Variants in PPP1R21 observed in about 807,000 individuals in gnomAD.
The protein encoded by PPP1R21 is KLRAQ motif containing 1.
A neutral mutation model predicts 112.8 loss-of-function variants in PPP1R21; 85 were observed. The ratio of observed to expected loss-of-function variants is 0.75; its 90% CI spans 0.63 to 0.90. PPP1R21 has a LOEUF of 0.90. Among genes scored for constraint, PPP1R21 ranks in the 40% least tolerant of loss-of-function variants. The pLI is 0.00. For synonymous variants in PPP1R21, 381 were observed against 322.3 expected (o/e 1.18, Z -1.95); for missense variants, 1,199 against 901.5 (o/e 1.33, Z -4.23).
chr2:48,466,330 G>C (rs1470632284), intron 9 of PPP1R21, among the ~76,000 whole-genome samples: 1 of 151,966 alleles, frequency 6.6e-6, no homozygotes, highest in East Asian at 1.9e-4. Flanking sequence ...TCCCACCTCA[G>C]CTTCCCAACT....
chr2:48,459,088 T>C (rs1269950466), intron 4 of PPP1R21, among the ~76,000 whole-genome samples: 2 of 124,862 alleles, frequency 1.6e-5, no homozygotes, highest in Non-Finnish European at 3.3e-5. Flanking sequence ...TGAGACTCTG[T>C]CTCAAAAAAA....
chr2:48,472,730 C>G (rs1472745954), intron 11 of PPP1R21, among the ~76,000 whole-genome samples: 1 of 151,866 alleles, frequency 6.6e-6, no homozygotes, highest in African/African-American at 2.4e-5. Flanking sequence ...GGGAAGATCA[C>G]TTGAGGCCAG....
Position 48,504,688 on chromosome 2 carries a change from T to C in PPP1R21, c.1936-876T>C, listed in dbSNP as rs144492079. ...ACTGTTCATTGAGTGTAATATCTTA[T>C]TGACAGAATCCATTGACACTGAGTT... On this transcript the variant is annotated intron_variant, in intron 17 of 21. Transcript: ENST00000294952. Among the ~76,000 whole-genome samples the C allele has an allele frequency of 7.5e-4, 114 of 152,302 alleles. 2 individuals carry two copies. Among genetic ancestry groups the C allele is most frequent in the African/African-American group, 2.4e-3 (98 of 41,584 alleles).
intron 12 of PPP1R21, 130 bp from the exon 13 acceptor site, chr2:48,479,794 C>A (rs917931269): frequency 1.5e-6 from 1 of 676,808 alleles, no homozygotes; most frequent in South Asian, 1.7e-5. Flanking sequence ...GTATCTGCCA[C>A]GATTTTAAGA....
chr2:48,450,404 A>G (rs1242325184), intron 1 of PPP1R21, among the ~76,000 whole-genome samples: 2 of 152,222 alleles, frequency 1.3e-5, no homozygotes, highest in Non-Finnish European at 2.9e-5. Context: ...TGTAGTGAGC[A>G]TTCATATGTA....
Position 48,440,827 on chromosome 2 carries a change from G to GGCGGCGGCT in PPP1R21, c.-122_-114dup. 1 of 689,700 alleles carries GGCGGCGGCT rather than the reference G, an allele frequency of 1.4e-6. No homozygotes were observed. The highest frequency in any genetic ancestry group is 3.2e-5 in the East Asian group (1 of 31,416). 42.7% of individuals were successfully genotyped at this position (689,700 alleles called of 1,614,324 possible). A position where few individuals can be genotyped will look rare whatever the true frequency, so the allele number is the denominator to read the frequency against. Reference sequence around the variant, plus strand: ...GAGGAGGAGGCGCGGCGGCGGCGGCGGCGGCGGCTGCGGTGGCCAAGCAGG... The same window carrying GGCGGCGGCT: ...GAGGAGGAGGCGCGGCGGCGGCGGCGGCGGCGGCTGCGGCGGCTGCGGTGGCCAAGCAGG... On this transcript the variant is annotated 5_prime_UTR_variant, in exon 1 of 22. Coordinates refer to ENST00000294952, the MANE Select transcript of PPP1R21 (RefSeq NM_001135629.3).
chr2:48,496,436 G>T (rs1407530845), intron 16 of PPP1R21, among the ~76,000 whole-genome samples: 1 of 150,626 alleles, frequency 6.6e-6, no homozygotes, highest in East Asian at 2.0e-4. Context: ...GTACAGAGAA[G>T]AATCTAAACA....
chr2:48,514,292 T>G (rs1317865139), intron 21 of PPP1R21, among the ~76,000 whole-genome samples: 1 of 152,092 alleles, frequency 6.6e-6, no homozygotes, highest in Non-Finnish European at 1.5e-5. Context: ...TTCACCATGT[T>G]AGCTGGGATG....
At chr2:48,478,828 C>G (rs1668873458) in intron 12 of PPP1R21, among the ~76,000 whole-genome samples, 1 of 152,130 alleles carries the variant, frequency 6.6e-6, no homozygotes, top group Non-Finnish European at 1.5e-5. Flanking sequence ...TAGAGTACAC[C>G]CTTAGGCTTG....
chr2:48,478,480 T>G (rs1006988519), intron 12 of PPP1R21, among the ~76,000 whole-genome samples: 3 of 152,320 alleles, frequency 2.0e-5, no homozygotes, highest in East Asian at 1.9e-4. Flanking sequence ...GTGGCAGGGC[T>G]CTCCTTCACT....
At chr2:48,490,935 A>G in intron 14 of PPP1R21, 83 bp from the exon 15 acceptor site, 1 of 1,222,326 alleles carries the variant, frequency 8.2e-7, no homozygotes, top group Non-Finnish European at 1.2e-6. Context: ...ACATCTTTAA[A>G]CTTTGCTGCA....
At chr2:48,460,941 C>T (rs1667949332) in intron 6 of PPP1R21, among the ~76,000 whole-genome samples, 197 bp from the exon 7 acceptor site, 1 of 152,186 alleles carries the variant, frequency 6.6e-6, no homozygotes, top group Non-Finnish European at 1.5e-5. Flanking sequence ...ACATCATTCT[C>T]CAGAAGTCCC....
rs537587505 is a variant in PPP1R21 at position 48,500,922 on chromosome 2, C to A, written c.1935+2187C>A. On this transcript the variant is annotated intron_variant, in intron 17 of 21. Coordinates refer to ENST00000294952, the MANE Select transcript of PPP1R21 (RefSeq NM_001135629.3). ...AGACTCTGTCTCTACAAAAAAAAAC[C>A]CCAAAGAAACAAAAAGAATACCTTC... Among the ~76,000 whole-genome samples the A allele has an allele frequency of 2.1e-3, 305 of 145,158 alleles. 1 individual carries two copies. The highest frequency in any genetic ancestry group is 7.3e-3 in the African/African-American group (292 of 39,940).
intron 20 of PPP1R21, among the ~76,000 whole-genome samples, chr2:48,510,875 C>A (rs2103677322): frequency 6.6e-6 from 1 of 152,262 alleles, no homozygotes. Context: ...AGAAAGAAAC[C>A]CTTAAATTTT....
intron 1 of PPP1R21, among the ~76,000 whole-genome samples, chr2:48,447,158 C>G (rs1290998630): frequency 6.6e-6 from 1 of 151,930 alleles, no homozygotes; most frequent in African/African-American, 2.4e-5. Context: ...TAGTAAGTGC[C>G]AAAGGAACTG....
intron 9 of PPP1R21, among the ~76,000 whole-genome samples, chr2:48,469,638 A>T (rs1033401918): frequency 6.8e-6 from 1 of 147,606 alleles, no homozygotes; most frequent in African/African-American, 2.5e-5. Context: ...TTTGTCCATT[A>T]TTGGAATTTT....
rs546768165 is a variant in PPP1R21, at chr2:48,452,830, G to A, written c.126+1754G>A. On this transcript the variant is annotated intron_variant, in intron 2 of 21. Transcript: ENST00000294952. ...AAAATTAAGGTTTTACTAAACAAATGTAGGAAAAAAATTATTTTCTCCTTA... is the reference window on the plus strand; with the variant it reads ...AAAATTAAGGTTTTACTAAACAAATATAGGAAAAAAATTATTTTCTCCTTA... Among the ~76,000 whole-genome samples, 4 of 152,148 alleles carry A rather than the reference G, an allele frequency of 2.6e-5. No homozygotes were observed. In the South Asian group the frequency reaches 6.2e-4, roughly 24 times the overall value.
chr2:48,496,509 C>T (rs1437644275), intron 16 of PPP1R21, among the ~76,000 whole-genome samples: 3 of 149,658 alleles, frequency 2.0e-5, no homozygotes, highest in Non-Finnish European at 4.4e-5. Context: ...ACTGTGTCAC[C>T]TAGGCTGGAG....
chr2:48,458,446 A>G (rs1342281387), intron 4 of PPP1R21, among the ~76,000 whole-genome samples: 1 of 152,250 alleles, frequency 6.6e-6, no homozygotes, highest in East Asian at 1.9e-4. Context: ...TTCAGAAGAC[A>G]GCAGAATAGC....
Sources: gnomAD v4.1 joint callset for allele counts (sites outside exome capture counted in the v4.1 genomes callset) on GRCh38, gnomAD v4.1.1 for gene constraint, MANE v1.5 for transcripts, NCBI Gene and HGNC (gene_info 2026-07-23, HGNC 2026-07-21) for gene names.